Variants in HDAC9 observed in about 807,000 individuals in gnomAD.
The protein encoded by HDAC9 is MEF-2 interacting transcription repressor (MITR) protein.
HDAC9 carries 41 observed loss-of-function variants against 139.4 expected under a neutral mutation model. The ratio of observed to expected loss-of-function variants is 0.29; its 90% CI spans 0.23 to 0.38. The LOEUF (loss-of-function observed/expected upper bound fraction) is 0.38. Among genes scored for constraint, HDAC9 ranks in the 10% least tolerant of loss-of-function variants. HDAC9 has a pLI of 1.00. For synonymous variants in HDAC9, 517 were observed against 476.2 expected (o/e 1.09, Z -1.12); for missense variants, 1,147 against 1,297.0 (o/e 0.88, Z 1.78).
intron 22 of HDAC9, among the ~76,000 whole-genome samples, chr7:18,883,664 C>T (rs114758955): frequency 0.014 from 2,094 of 152,060 alleles, 55 homozygotes; most frequent in African/African-American, 0.048. Flanking sequence ...TTCTATTCAG[C>T]ATACTAACAG....
At chr7:18,247,388 T>G (rs1383963476) in intron 2 of HDAC9, among the ~76,000 whole-genome samples, 1 of 151,258 alleles carries the variant, frequency 6.6e-6, no homozygotes, top group African/African-American at 2.4e-5. Flanking sequence ...AAATCATGGG[T>G]GTGTAGTGTT....
At chr7:18,467,096 T>G (rs1053909508) in intron 1 of HDAC9, among the ~76,000 whole-genome samples, 3 of 152,250 alleles carry the variant, frequency 2.0e-5, no homozygotes, top group Admixed American at 6.5e-5. Flanking sequence ...TTGGCATTCC[T>G]GTTTGGATGT....
At chr7:18,535,340 G>T (rs1235093424) in intron 2 of HDAC9, among the ~76,000 whole-genome samples, 3 of 151,722 alleles carry the variant, frequency 2.0e-5, no homozygotes, top group African/African-American at 7.3e-5. Flanking sequence ...TATTATTGTT[G>T]ATGTTCTTAT....
At chr7:18,189,951 A>G (rs1790224245) in intron 2 of HDAC9, among the ~76,000 whole-genome samples, 1 of 148,474 alleles carries the variant, frequency 6.7e-6, no homozygotes, top group South Asian at 2.1e-4. Context: ...GTGTGTGTGT[A>G]CGTTTGAGAC....
At chr7:18,260,810 G>T (rs764921295) in intron 2 of HDAC9, among the ~76,000 whole-genome samples, 1 of 152,106 alleles carries the variant, frequency 6.6e-6, no homozygotes, top group Non-Finnish European at 1.5e-5. Flanking sequence ...TGAATATACA[G>T]AATAGGCTGA....
intron 16 of HDAC9, among the ~76,000 whole-genome samples, chr7:18,787,891 TC>T (rs1445258202): frequency 6.6e-6 from 1 of 152,190 alleles, no homozygotes; most frequent in African/African-American, 2.4e-5. Context: ...TTGAATAACT[TC>T]CTTTCAGTTT....
intron 2 of HDAC9, among the ~76,000 whole-genome samples, chr7:18,250,525 A>G (rs955504441): frequency 2.6e-5 from 4 of 152,206 alleles, no homozygotes; most frequent in African/African-American, 4.8e-5. Flanking sequence ...TTGGTAGTCT[A>G]TCACCAACAT....
chr7:18,277,475 G>A (rs957896525), intron 2 of HDAC9, among the ~76,000 whole-genome samples: 4 of 152,204 alleles, frequency 2.6e-5, no homozygotes, highest in African/African-American at 9.7e-5. Flanking sequence ...AGTAGTAGGT[G>A]TGCAAGGTGG....
At chr7:18,784,511 A>C (rs992585644) in intron 16 of HDAC9, among the ~76,000 whole-genome samples, 1 of 151,998 alleles carries the variant, frequency 6.6e-6, no homozygotes, top group African/African-American at 2.4e-5. Flanking sequence ...AAAAAACAAA[A>C]AACAAAAAAA....
chr7:18,454,750 A>C (rs1038070025), intron 1 of HDAC9, among the ~76,000 whole-genome samples: 36 of 152,108 alleles, frequency 2.4e-4, no homozygotes, highest in African/African-American at 8.2e-4. Context: ...ATCCTAAAAA[A>C]TGTGGCATTG....
At chr7:18,273,056 GTTTTTTTTT>G (rs746089054) in intron 2 of HDAC9, among the ~76,000 whole-genome samples, 22 of 84,774 alleles carry the variant, frequency 2.6e-4, no homozygotes, top group Admixed American at 3.6e-4. Context: ...CCCCTTCTTC[GTTTTTTTTT>G]TTTTTTTTTT....
At chr7:18,250,533 C>T (rs986928392) in intron 2 of HDAC9, among the ~76,000 whole-genome samples, 3 of 152,200 alleles carry the variant, frequency 2.0e-5, no homozygotes, top group Non-Finnish European at 4.4e-5. Flanking sequence ...CTATCACCAA[C>T]ATGAGGGCAA....
At chr7:18,483,180 A>G (rs2128129334) in intron 1 of HDAC9, among the ~76,000 whole-genome samples, 1 of 152,360 alleles carries the variant, frequency 6.6e-6, no homozygotes, top group South Asian at 2.1e-4. Flanking sequence ...GGGGCAAGAA[A>G]GTCAACTTTT....
chr7:18,788,283 G>A (rs1791993772), intron 16 of HDAC9, among the ~76,000 whole-genome samples: 1 of 152,106 alleles, frequency 6.6e-6, no homozygotes. Context: ...CCATTTCACA[G>A]GCTCTCCCAT....
At chr7:18,237,572 AT>A (rs1793905304) in intron 2 of HDAC9, among the ~76,000 whole-genome samples, 1 of 152,206 alleles carries the variant, frequency 6.6e-6, no homozygotes, top group African/African-American at 2.4e-5. Flanking sequence ...TAGGATTGAG[AT>A]GATAAAGGCA....
chr7:18,548,433 G>C (rs1586920354), intron 2 of HDAC9, among the ~76,000 whole-genome samples: 1 of 152,150 alleles, frequency 6.6e-6, no homozygotes, highest in African/African-American at 2.4e-5. Context: ...TCAAAGCCGA[G>C]TTGCCACAAA....
intron 2 of HDAC9, among the ~76,000 whole-genome samples, chr7:18,503,795 T>G (rs1278626310): frequency 6.6e-6 from 1 of 152,212 alleles, no homozygotes; most frequent in African/African-American, 2.4e-5. Flanking sequence ...TTTAAATTCA[T>G]AATGTATGTT....
At chr7:18,207,135 G>A (rs979067737) in intron 2 of HDAC9, among the ~76,000 whole-genome samples, 1 of 151,656 alleles carries the variant, frequency 6.6e-6, no homozygotes, top group Non-Finnish European at 1.5e-5. Flanking sequence ...ATGAGTTTTT[G>A]CCATGTTGCC....
intron 1 of HDAC9, among the ~76,000 whole-genome samples, chr7:18,120,293 G>T: frequency 6.6e-6 from 1 of 152,200 alleles, no homozygotes; most frequent in Non-Finnish European, 1.5e-5. Flanking sequence ...CACAAGGCCA[G>T]TAGTAGTAAG....
Sources: allele counts gnomAD v4.1 joint callset (sites outside exome capture counted in the v4.1 genomes callset), GRCh38; gene constraint gnomAD v4.1.1; transcripts MANE v1.5; gene names NCBI Gene and HGNC (gene_info 2026-07-23, HGNC 2026-07-21).